The following PRUNE2 variants were observed in gnomAD, a reference collection of about 807,000 sequenced individuals.
PRUNE2 encodes the protein protein prune homolog 2.
In PRUNE2, 164 loss-of-function variants were observed where a neutral mutation model predicts 252.0. That is an observed-to-expected ratio of 0.65 (90% CI 0.57 to 0.74). The LOEUF is 0.74. Among genes scored for constraint, PRUNE2 ranks in the 30% least tolerant of loss-of-function variants. PRUNE2 has a pLI of 0.00. For missense variants in PRUNE2, 3,495 were observed against 3,711.0 expected, an observed-to-expected ratio of 0.94 and a Z score of 1.51; for synonymous variants, 1,292 against 1,350.2, an observed-to-expected ratio of 0.96 and a Z score of 0.94.
chr9:76,718,095 C>T (rs1055536422), intron 6 of PRUNE2, among the ~76,000 whole-genome samples: 4 of 152,166 alleles, frequency 2.6e-5, no homozygotes, highest in African/African-American at 9.7e-5. Context: ...AATATCAAAA[C>T]CAAGATAGTG....
chr9:76,774,459 T>TATTTATTTATTTATTTATTTATTTA lies in PRUNE2; in HGVS notation c.756+49172_756+49173insTAAATAAATAAATAAATAAATAAAT, dbSNP rs759627070. Among the ~76,000 whole-genome samples, 51 of 139,124 alleles carry TATTTATTTATTTATTTATTTATTTA rather than the reference T, an allele frequency of 3.7e-4. 3 individuals carry two copies. Among genetic ancestry groups the TATTTATTTATTTATTTATTTATTTA allele is most frequent in the African/African-American group, 1.3e-3 (50 of 38,042 alleles). 91.3% of individuals were successfully genotyped at this position (139,124 alleles called of 152,430 possible). ...GGCCTCCAGTTCAACCCTTTTTTTTTTTTTTTTTTTTTTTTTTTGAGATGG... is the reference window on the plus strand; with the variant it reads ...GGCCTCCAGTTCAACCCTTTTTTTTTATTTATTTATTTATTTATTTATTTATTTTTTTTTTTTTTTTTTGAGATGG... On this transcript the variant is annotated intron_variant, in intron 6 of 18. Coordinates refer to ENST00000376718, the MANE Select transcript of PRUNE2 (RefSeq NM_015225.3).
intron 4 of PRUNE2, among the ~76,000 whole-genome samples, chr9:76,839,738 A>G (rs955355534): frequency 6.6e-6 from 1 of 152,244 alleles, no homozygotes; most frequent in African/African-American, 2.4e-5. Context: ...CAGCTAAGAC[A>G]GTAGTCAAAG....
In PRUNE2 at chr9:76,855,435, TA is replaced by T. The variant is rs113081872; in HGVS notation, c.37-1228del. Among the ~76,000 whole-genome samples, 734 of 139,982 alleles carry T rather than the reference TA, an allele frequency of 5.2e-3. 4 individuals are homozygous for T. Among genetic ancestry groups the T allele is most frequent in the African/African-American group, 0.02 (668 of 33,002 alleles). The allele number at this position is 139,982 out of a possible 152,430, so 91.8% of individuals were successfully genotyped here. ...TTAGATTGCTCATGACTATTTTAAT[TA>T]AAAAAAAAAGTGTTTATATGCAGAA... On this transcript the variant is annotated intron_variant, in intron 1 of 18. Transcript: ENST00000376718.
intron 3 of PRUNE2, among the ~76,000 whole-genome samples, chr9:76,849,200 C>T (rs1259441061): frequency 6.6e-6 from 1 of 152,156 alleles, no homozygotes; most frequent in Non-Finnish European, 1.5e-5. Context: ...CATGAGCCAC[C>T]ATGTCAAGCC....
chr9:76,725,790 G>C (rs2048056575), intron 6 of PRUNE2, among the ~76,000 whole-genome samples: 1 of 152,184 alleles, frequency 6.6e-6, no homozygotes, highest in Admixed American at 6.5e-5. Flanking sequence ...TACACTCTGG[G>C]GTTTGTGGTT....
intron 9 of PRUNE2, among the ~76,000 whole-genome samples, chr9:76,697,535 G>T (rs1357058909): frequency 6.6e-6 from 1 of 152,136 alleles, no homozygotes; most frequent in East Asian, 1.9e-4. Flanking sequence ...AGCCCAGTAG[G>T]TCACAAGACA....
At chr9:76,885,797 T>A (rs1372526103) in intron 1 of PRUNE2, among the ~76,000 whole-genome samples, 1 of 152,166 alleles carries the variant, frequency 6.6e-6, no homozygotes, top group Admixed American at 6.5e-5. Context: ...AAAATGGGGA[T>A]AACAGTACCT....
intron 11 of PRUNE2, among the ~76,000 whole-genome samples, chr9:76,647,432 T>C (rs931856176): frequency 6.6e-6 from 1 of 152,188 alleles, no homozygotes; most frequent in African/African-American, 2.4e-5. Flanking sequence ...GTAAAACTTT[T>C]AGAAGAGAAA....
intron 4 of PRUNE2, among the ~76,000 whole-genome samples, chr9:76,838,645 CAA>C (rs10540002): frequency 6.8e-3 from 576 of 84,582 alleles, no homozygotes; most frequent in African/African-American, 0.018. Flanking sequence ...AACTCTGTCT[CAA>C]AAAAAAAAAA....
chr9:76,638,778 G>C (rs1841273829), intron 12 of PRUNE2, among the ~76,000 whole-genome samples: 1 of 152,172 alleles, frequency 6.6e-6, no homozygotes, highest in African/African-American at 2.4e-5. Flanking sequence ...TTTAGCCACT[G>C]AAGTGCAACA....
Position 76,703,757 on chromosome 9 carries a change from T to A in PRUNE2, c.7856A>T (p.Asp2619Val). The A allele has an allele frequency of 4.3e-6, 7 of 1,613,786 alleles. No homozygotes were observed. Among genetic ancestry groups the A allele is most frequent in the Non-Finnish European group, 5.9e-6 (7 of 1,179,878 alleles). ...AGGGCTTTCAAAAGATGATCTCGTATCGCTTTTAGAAGACATTTTCTCTGC... is the reference window on the plus strand; with the variant it reads ...AGGGCTTTCAAAAGATGATCTCGTAACGCTTTTAGAAGACATTTTCTCTGC... ...LSAEKMSSKS[D>V]TRSSFESPAQ... Residue 2619 changes from aspartate (D) to valine (V), a missense_variant, in exon 9 of 19, where the codon GAT becomes GTT. Coordinates refer to ENST00000376718, the MANE Select transcript of PRUNE2 (RefSeq NM_015225.3).
chr9:76,771,855 C>T (rs939244830), intron 6 of PRUNE2, among the ~76,000 whole-genome samples: 1 of 152,228 alleles, frequency 6.6e-6, no homozygotes, highest in South Asian at 2.1e-4. Flanking sequence ...GGTTTGCAGA[C>T]CACACCCTAA....
intron 1 of PRUNE2, among the ~76,000 whole-genome samples, chr9:76,896,063 C>T (rs571777614): frequency 2.0e-5 from 3 of 152,322 alleles, no homozygotes; most frequent in East Asian, 3.9e-4. Flanking sequence ...GCATGAGCCA[C>T]CACGCCTGCC....
rs538022263 is a variant in PRUNE2, at chr9:76,708,999, T to A, written c.3275A>T (p.Asn1092Ile). 15 of 1,613,984 alleles carry A rather than the reference T, an allele frequency of 9.3e-6. No individual in the cohort carries two copies. In the South Asian group the frequency reaches 1.5e-4, roughly 17 times the overall value. The part of the protein sequence containing the change: ...PSMMQLYNET[N>I]RQLTLLHSST... Reference sequence around the variant, plus strand: ...GCTGTGCAAAAGTGTGAGTTGTCGGTTTGTTTCATTGTACAGTTGCATCAT... The same window carrying A: ...GCTGTGCAAAAGTGTGAGTTGTCGGATTGTTTCATTGTACAGTTGCATCAT... Residue 1092 changes from asparagine to isoleucine, a missense_variant, in exon 8 of 19, where the codon AAC becomes ATC. Physicochemically the swap from Asn to Ile is moderately radical, Grantham distance 149. Coordinates refer to ENST00000376718, the MANE Select transcript of PRUNE2 (RefSeq NM_015225.3).
Position 76,846,182 on chromosome 9 carries a change from A to T in PRUNE2, c.508+333T>A, listed in dbSNP as rs1009686065. On this transcript the variant is annotated intron_variant, in intron 4 of 18. Coordinates refer to ENST00000376718, the MANE Select transcript of PRUNE2 (RefSeq NM_015225.3). ...GGAACTTGGCATTCTCGTCCCTATC[A>T]TGCTGTCTTGGGGCAAGAATCACCT... is the stretch of plus-strand genomic sequence containing the variant. Among the ~76,000 whole-genome samples the T allele has an allele frequency of 3.5e-4, 54 of 152,322 alleles. 1 individual carries two copies. Among genetic ancestry groups the T allele is most frequent in the Admixed American group, 2.7e-3 (42 of 15,304 alleles).
At chr9:76,692,314 A>G (rs2044851275) in intron 9 of PRUNE2, 5 of 565,454 alleles carry the variant, frequency 8.8e-6, no homozygotes, top group African/African-American at 1.9e-5. Context: ...AATATACGAT[A>G]CCCTTTCACC....
chr9:76,889,269 T>C (rs1043229752), intron 1 of PRUNE2, among the ~76,000 whole-genome samples: 1 of 152,064 alleles, frequency 6.6e-6, no homozygotes, highest in East Asian at 1.9e-4. Flanking sequence ...ATTAGAAATA[T>C]GTATTGCATG....
Position 76,709,465 on chromosome 9 carries a change from A to T in PRUNE2, c.2809T>A (p.Trp937Arg), listed in dbSNP as rs1412007286. The change falls in exon 8 of 19, where the codon TGG becomes AGG. Residue 937 changes from tryptophan (W) to arginine (R), a missense_variant. Physicochemically the swap from Trp to Arg is moderately radical, Grantham distance 101 (BLOSUM62 -3). Coordinates refer to ENST00000376718, the MANE Select transcript of PRUNE2 (RefSeq NM_015225.3). ...KKGGSDVLVPWEDSFLSYKCS... is the reference protein window; with the variant it reads ...KKGGSDVLVPREDSFLSYKCS... ...TTGTAAGATAAGAAGGAATCTTCCC[A>T]AGGAACTAGGACATCTGACCCTCCT... 1 of 1,613,890 alleles carries T rather than the reference A, an allele frequency of 6.2e-7. No individual in the cohort carries two copies. The highest frequency in any genetic ancestry group is 8.5e-7 in the Non-Finnish European group (1 of 1,179,874).
chr9:76,682,844 TC>T (rs1320749043), intron 9 of PRUNE2, among the ~76,000 whole-genome samples: 30 of 34,926 alleles, frequency 8.6e-4, no homozygotes, highest in Middle Eastern at 0.021. Context: ...TTCAAATTTT[TC>T]TTTTAACTAT....
Sources: gnomAD v4.1 joint callset for allele counts (sites outside exome capture counted in the v4.1 genomes callset) on GRCh38, gnomAD v4.1.1 for gene constraint, MANE v1.5 for transcripts, NCBI Gene and HGNC (gene_info 2026-07-23, HGNC 2026-07-21) for gene names.